SGMS1: variants seen among roughly 807,000 people sequenced by gnomAD.
The protein encoded by SGMS1 is phosphatidylcholine:ceramide cholinephosphotransferase 1.
Under a neutral mutation model 46.2 loss-of-function variants are expected in SGMS1, and 13 were observed. The ratio of observed to expected loss-of-function variants is 0.28; its 90% CI spans 0.18 to 0.45. The LOEUF (loss-of-function observed/expected upper bound fraction) is 0.45, where lower values mean the gene tolerates loss of function less well. Among genes scored for constraint, SGMS1 ranks in the 20% least tolerant of loss-of-function variants. The pLI is 1.00. For synonymous variants in SGMS1, 203 were observed against 187.8 expected, an observed-to-expected ratio of 1.08 and a Z score of -0.66; for missense variants, 324 against 519.9, an observed-to-expected ratio of 0.62 and a Z score of 3.66.
At chr10:50,617,851 G>A (rs927275879) in intron 1 of SGMS1, among the ~76,000 whole-genome samples, 2 of 151,228 alleles carry the variant, frequency 1.3e-5, no homozygotes, top group Admixed American at 6.6e-5. Flanking sequence ...GGGATTACAG[G>A]TGTGAGCCAC....
At chr10:50,540,508 C>T (rs1564427490) in intron 2 of SGMS1, among the ~76,000 whole-genome samples, 1 of 152,174 alleles carries the variant, frequency 6.6e-6, no homozygotes, top group Non-Finnish European at 1.5e-5. Flanking sequence ...AGACTGCTAT[C>T]AAGGGGGTCA....
At chr10:50,565,424 GA>G (rs1396347563) in intron 2 of SGMS1, among the ~76,000 whole-genome samples, 2 of 152,180 alleles carry the variant, frequency 1.3e-5, no homozygotes, top group Non-Finnish European at 2.9e-5. Flanking sequence ...GCTTGGAACA[GA>G]AAGTAAGCAG....
chr10:50,400,892 CGG>C (rs1848929441), intron 6 of SGMS1, among the ~76,000 whole-genome samples: 1 of 152,152 alleles, frequency 6.6e-6, no homozygotes, highest in Non-Finnish European at 1.5e-5. Flanking sequence ...ACATCAAGGC[CGG>C]AGGGTTCCTG....
At chr10:50,419,127 A>G (rs1849221846) in intron 6 of SGMS1, among the ~76,000 whole-genome samples, 1 of 152,186 alleles carries the variant, frequency 6.6e-6, no homozygotes, top group African/African-American at 2.4e-5. Flanking sequence ...AGGACCATCG[A>G]GATTTCAGGC....
chr10:50,526,885 T>C (rs1398305446), intron 2 of SGMS1, among the ~76,000 whole-genome samples: 1 of 151,720 alleles, frequency 6.6e-6, no homozygotes, highest in African/African-American at 2.4e-5. Flanking sequence ...GCCAACATGG[T>C]GAAACCCTGT....
chr10:50,379,941 T>G (rs772149082), intron 6 of SGMS1, among the ~76,000 whole-genome samples: 1 of 151,944 alleles, frequency 6.6e-6, no homozygotes, highest in African/African-American at 2.4e-5. Flanking sequence ...GAAGCTTGAG[T>G]AAGTGACAAA....
At chr10:50,505,871 C>A (rs61858062) in intron 3 of SGMS1, among the ~76,000 whole-genome samples, 1 of 151,984 alleles carries the variant, frequency 6.6e-6, no homozygotes, top group African/African-American at 2.4e-5. Context: ...GGGAGAGCAT[C>A]CTCTAAAGAG....
chr10:50,515,729 C>T (rs1837796249), intron 3 of SGMS1, among the ~76,000 whole-genome samples: 1 of 152,164 alleles, frequency 6.6e-6, no homozygotes, highest in African/African-American at 2.4e-5. Context: ...GCTTTCCAAC[C>T]ATTTGGAAAG....
In SGMS1 at chr10:50,525,700, A is replaced by G. The variant is rs76261128; in HGVS notation, c.-588-5779T>C. On this transcript the variant is annotated intron_variant, in intron 2 of 10. Coordinates refer to ENST00000361781, the MANE Select transcript of SGMS1 (RefSeq NM_147156.4). ...GAGAAAGTTTTGTCTAGGGAAAACA[A>G]GGGAGACTCTACCACTTACCATCAT... 2.6e-3 allele frequency among the ~76,000 whole-genome samples: 402 copies of G among 152,358 alleles called. 3 individuals carry two copies. Among genetic ancestry groups the G allele is most frequent in the African/African-American group, 9.5e-3 (394 of 41,588 alleles).
At chr10:50,621,979 C>T (rs1179110734) in intron 1 of SGMS1, among the ~76,000 whole-genome samples, 2 of 152,196 alleles carry the variant, frequency 1.3e-5, no homozygotes, top group Admixed American at 1.3e-4. Flanking sequence ...AATACCAGGG[C>T]CTCCAGAGCT....
In SGMS1 at chr10:50,426,478, C is replaced by G. The variant is rs369542443; in HGVS notation, c.-232+6998G>C. Among the ~76,000 whole-genome samples the G allele has an allele frequency of 2.6e-5, 4 of 152,102 alleles. No homozygotes were observed. The East Asian group carries it at 5.8e-4, about 22-fold the overall frequency. On this transcript the variant is annotated intron_variant, in intron 6 of 10. Transcript: ENST00000361781. ...AAAGTCATACCCATGAAGTTACCAC[C>G]CATCCTATGAAGCAGACCTTACTGA...
At chr10:50,584,646 T>TTCAG (rs1838466286) in intron 2 of SGMS1, among the ~76,000 whole-genome samples, 2 of 152,184 alleles carry the variant, frequency 1.3e-5, no homozygotes, top group African/African-American at 4.8e-5. Context: ...TTCAGAAGCC[T>TTCAG]AAGATTTCAG....
intron 2 of SGMS1, among the ~76,000 whole-genome samples, chr10:50,581,504 T>C (rs1198474976): frequency 1.3e-5 from 2 of 152,304 alleles, no homozygotes; most frequent in East Asian, 3.9e-4. Flanking sequence ...GGAAATAAGG[T>C]TGACCTTGTT....
At chr10:50,469,063 T>G (rs1217374064) in intron 3 of SGMS1, among the ~76,000 whole-genome samples, 1 of 152,196 alleles carries the variant, frequency 6.6e-6, no homozygotes, top group Non-Finnish European at 1.5e-5. Context: ...TGTTGTAACT[T>G]GTCCAAGGTT....
Position 50,382,590 on chromosome 10 carries a change from C to CAT in SGMS1, c.-231-38246_-231-38245insAT, listed in dbSNP as rs1253186841. On this transcript the variant is annotated intron_variant, in intron 6 of 10. Coordinates refer to ENST00000361781, the MANE Select transcript of SGMS1 (RefSeq NM_147156.4). ...ACATACACACACACACACACACACA[C>CAT]ACAACTTCCCCACTCCATTCTGACC... Among the ~76,000 whole-genome samples, 320 of 150,016 alleles carry CAT rather than the reference C, an allele frequency of 2.1e-3. 3 individuals carry two copies. The highest frequency in any genetic ancestry group is 1.9e-4 in the Non-Finnish European group (13 of 67,370).
intron 5 of SGMS1, 37 bp downstream of exon 5, chr10:50,460,636 A>G (rs1299548243): frequency 2.6e-5 from 4 of 152,274 alleles, no homozygotes; most frequent in African/African-American, 9.6e-5. Flanking sequence ...AGAGTGGGCC[A>G]CATCAGGTTC....
intron 6 of SGMS1, among the ~76,000 whole-genome samples, chr10:50,376,660 C>T (rs1160839774): frequency 6.6e-6 from 1 of 152,126 alleles, no homozygotes; most frequent in Non-Finnish European, 1.5e-5. Flanking sequence ...TCAATTCCCA[C>T]CTATGAGTGA....
chr10:50,512,309 C>T (rs1468038622), intron 3 of SGMS1, among the ~76,000 whole-genome samples: 1 of 151,994 alleles, frequency 6.6e-6, no homozygotes, highest in Non-Finnish European at 1.5e-5. Flanking sequence ...GAAAAAAAAC[C>T]AGACATACCC....
At chr10:50,349,590 C>T (rs1847970966) in intron 6 of SGMS1, among the ~76,000 whole-genome samples, 5 of 152,196 alleles carry the variant, frequency 3.3e-5, no homozygotes, top group Non-Finnish European at 7.3e-5. Flanking sequence ...TCCCATAATT[C>T]CCATTCTCCT....
Sources: allele counts gnomAD v4.1 joint callset (sites outside exome capture counted in the v4.1 genomes callset), GRCh38; gene constraint gnomAD v4.1.1; transcripts MANE v1.5; gene names NCBI Gene and HGNC (gene_info 2026-07-23, HGNC 2026-07-21).